Variants in NAV2 observed in about 807,000 individuals in gnomAD.
The protein encoded by NAV2 is helicase, APC down-regulated 1.
NAV2 carries 54 observed loss-of-function variants against 223.2 expected under a neutral mutation model. The ratio of observed to expected loss-of-function variants is 0.24; its 90% CI spans 0.19 to 0.30. The LOEUF is 0.30. NAV2 is among the 10% of genes least tolerant of loss of function. NAV2 has a pLI of 1.00. For missense variants in NAV2, 2,806 were observed against 3,147.5 expected, an observed-to-expected ratio of 0.89 and a Z score of 2.60; for synonymous variants, 1,279 against 1,239.3, an observed-to-expected ratio of 1.03 and a Z score of -0.67.
At chr11:19,428,431 C>A (rs1850920915) in intron 1 of NAV2, among the ~76,000 whole-genome samples, 1 of 152,188 alleles carries the variant, frequency 6.6e-6, no homozygotes, top group Non-Finnish European at 1.5e-5. Context: ...CTCCTTGACG[C>A]ATTCAAGCTA....
At chr11:19,541,601 T>C (rs1417971185) in intron 1 of NAV2, among the ~76,000 whole-genome samples, 1 of 152,196 alleles carries the variant, frequency 6.6e-6, no homozygotes, top group Non-Finnish European at 1.5e-5. Flanking sequence ...ACAGGGGATG[T>C]ACTCACAGCT....
At position 19,481,707 on chromosome 11, in the gene NAV2, C is replaced by G. The variant is rs10833120; in HGVS notation, c.75+130680C>G. ...CAGTCTGTATGTAGAGGCTGCTCTT[C>G]AGATTGTTAAACATTCCATGCTGGC... On this transcript the variant is annotated intron_variant, in intron 1 of 37. Transcript: ENST00000360655. 4.3e-3 allele frequency among the ~76,000 whole-genome samples: 654 copies of G among 152,188 alleles called. 4 individuals are homozygous for G. The highest frequency in any genetic ancestry group is 0.015 in the African/African-American group (608 of 41,520).
In NAV2 at chr11:19,699,853, T is replaced by TCA. The variant is rs567123377; in HGVS notation, c.76-132625_76-132624dup. The stretch of plus-strand genomic sequence containing the variant: ...GTAAAGTGTCTACAGGGAGCTTCCA[T>TCA]CACACACTCTCTAGCTTCCTTTTCC... On this transcript the variant is annotated intron_variant, in intron 1 of 37. Coordinates refer to the NAV2 transcript ENST00000360655. 3.4e-3 allele frequency among the ~76,000 whole-genome samples: 511 copies of TCA among 152,300 alleles called. 4 individuals carry two copies. The highest frequency in any genetic ancestry group is 0.011 in the African/African-American group (465 of 41,566).
chr11:19,812,277 C>T (rs916555596), intron 1 of NAV2, among the ~76,000 whole-genome samples: 1 of 151,998 alleles, frequency 6.6e-6, no homozygotes, highest in Non-Finnish European at 1.5e-5. Context: ...CATGGTTGCT[C>T]TCTTCTTATC....
intron 11 of NAV2, among the ~76,000 whole-genome samples, chr11:20,016,365 G>A (rs1378954958): frequency 6.6e-6 from 1 of 152,156 alleles, no homozygotes; most frequent in Non-Finnish European, 1.5e-5. Context: ...AGAATGGGAA[G>A]GGCATAAGCA....
At chr11:19,708,647 G>C (rs1183653398), upstream of NAV2, among the ~76,000 whole-genome samples, 1 of 152,198 alleles carries the variant, frequency 6.6e-6, no homozygotes, top group Non-Finnish European at 1.5e-5. Context: ...GGCTGACGTT[G>C]AGGAGCAGAG....
rs1273456844 is a variant in NAV2, at chr11:19,879,987, A to G, written c.630A>G (p.Val210=). The G allele has an allele frequency of 1.2e-6, 2 of 1,613,810 alleles. No individual in the cohort carries two copies. Among genetic ancestry groups the G allele is most frequent in the Non-Finnish European group, 1.7e-6 (2 of 1,179,892 alleles). Reference sequence around the variant, plus strand: ...TCTCCTCACCTCTGCCGCCCGCCGTATCCCAGGTGGCCGGGGCCCCCTCCC... The same window carrying G: ...TCTCCTCACCTCTGCCGCCCGCCGTGTCCCAGGTGGCCGGGGCCCCCTCCC... ...QHLSSPLPPA[V]SQVAGAPSQC... Residue 210 remains valine (V), a synonymous_variant, in exon 5 of 38, where the codon GTA becomes GTG. Transcript: ENST00000349880.
intron 11 of NAV2, among the ~76,000 whole-genome samples, chr11:20,032,336 G>A (rs755115692): frequency 1.3e-4 from 20 of 152,190 alleles, no homozygotes; most frequent in Non-Finnish European, 2.6e-4. Flanking sequence ...GGGTAAGCAC[G>A]CAGTGCTCCA....
At chr11:19,654,411 C>G (rs537765030) in intron 1 of NAV2, among the ~76,000 whole-genome samples, 98 of 151,518 alleles carry the variant, frequency 6.5e-4, no homozygotes, top group African/African-American at 2.2e-3. Flanking sequence ...CATATGGAAC[C>G]AAAAAAGAGC....
intron 11 of NAV2, among the ~76,000 whole-genome samples, chr11:20,026,067 T>C (rs1042003617): frequency 1.3e-5 from 2 of 152,204 alleles, no homozygotes; most frequent in African/African-American, 4.8e-5. Flanking sequence ...AGAGCCAGAA[T>C]TCAAACACAG....
chr11:19,765,440 T>TCTTCCC (rs148263068), intron 1 of NAV2, among the ~76,000 whole-genome samples: 8 of 144,400 alleles, frequency 5.5e-5, no homozygotes, highest in East Asian at 2.1e-4. Flanking sequence ...TCCTCCTTCT[T>TCTTCCC]CTTCCCCTTC....
At chr11:19,624,992 A>G (rs1476198692) in intron 1 of NAV2, among the ~76,000 whole-genome samples, 1 of 152,224 alleles carries the variant, frequency 6.6e-6, no homozygotes, top group Non-Finnish European at 1.5e-5. Flanking sequence ...GTTTTGATAC[A>G]TATAATGTAT....
At chr11:19,662,341 C>T (rs58836461) in intron 1 of NAV2, among the ~76,000 whole-genome samples, 6,379 of 152,240 alleles carry the variant, frequency 0.042, 433 homozygotes, top group African/African-American at 0.14. Context: ...ACTGTGATTA[C>T]CAGACTGAAG....
intron 1 of NAV2, among the ~76,000 whole-genome samples, chr11:19,372,824 T>A (rs1250005698): frequency 3.9e-5 from 6 of 152,368 alleles, no homozygotes; most frequent in Middle Eastern, 3.4e-3. Context: ...TCACAGCATT[T>A]GGCCAATTGG....
chr11:19,992,358 A>G (rs1565718716), intron 11 of NAV2, among the ~76,000 whole-genome samples: 2 of 152,238 alleles, frequency 1.3e-5, no homozygotes, highest in East Asian at 3.8e-4. Context: ...CCACAGAGGA[A>G]TTCTACCAGG....
At chr11:19,807,106 G>A (rs1044475942) in intron 1 of NAV2, among the ~76,000 whole-genome samples, 6 of 152,198 alleles carry the variant, frequency 3.9e-5, no homozygotes, top group Non-Finnish European at 5.9e-5. Flanking sequence ...TGTGCATTGC[G>A]GACAAAGCCC....
chr11:20,024,233 AAG>A (rs2054820474), intron 11 of NAV2, among the ~76,000 whole-genome samples: 1 of 152,174 alleles, frequency 6.6e-6, no homozygotes, highest in Admixed American at 6.5e-5. Context: ...TTCTGGAAGG[AAG>A]AGGGCTGTGT....
chr11:19,823,149 A>G (rs2059466844), intron 1 of NAV2, among the ~76,000 whole-genome samples: 3 of 152,070 alleles, frequency 2.0e-5, no homozygotes, highest in Admixed American at 2.0e-4. Context: ...GGCTCAAACA[A>G]TCCTCCTGCC....
chr11:19,836,512 G>C (rs1272203592), intron 2 of NAV2, among the ~76,000 whole-genome samples: 2 of 149,974 alleles, frequency 1.3e-5, no homozygotes, highest in Non-Finnish European at 3.0e-5. Flanking sequence ...AGCCGAGATT[G>C]CGCCACTGCA....
Sources: gnomAD v4.1 joint callset for allele counts (sites outside exome capture counted in the v4.1 genomes callset) on GRCh38, gnomAD v4.1.1 for gene constraint, MANE v1.5 for transcripts, NCBI Gene and HGNC (gene_info 2026-07-23, HGNC 2026-07-21) for gene names.